CCDC7: variants seen among roughly 807,000 people sequenced by gnomAD.
CCDC7 encodes coiled-coil domain containing 7.
A neutral mutation model predicts 196.9 loss-of-function variants in CCDC7; 183 were observed. That is an observed-to-expected ratio of 0.93 (90% CI 0.82 to 1.05). The LOEUF (loss-of-function observed/expected upper bound fraction) is 1.05, where lower values mean the gene tolerates loss of function less well. Among genes scored for constraint, CCDC7 ranks in the 50% least tolerant of loss-of-function variants. The pLI, the probability that CCDC7 is intolerant of heterozygous loss-of-function variation, is 0.00. For synonymous variants in CCDC7, 525 were observed against 484.6 expected, an observed-to-expected ratio of 1.08 and a Z score of -1.10; for missense variants, 1,540 against 1,482.2, an observed-to-expected ratio of 1.04 and a Z score of -0.64.
chr10:32,571,370 T>C (rs1023305071), intron 15 of CCDC7, among the ~76,000 whole-genome samples: 3 of 152,190 alleles, frequency 2.0e-5, no homozygotes, highest in African/African-American at 7.2e-5. Flanking sequence ...TCAGTATACT[T>C]ATTTTAAAAT....
At chr10:32,512,833 AT>A (rs1484511079) in intron 9 of CCDC7, 2 of 152,284 alleles carry the variant, frequency 1.3e-5, no homozygotes, top group East Asian at 3.9e-4. Context: ...GCCAATAAAC[AT>A]TTTAAGAGAT....
intron 21 of CCDC7, among the ~76,000 whole-genome samples, chr10:32,665,417 T>G (rs1333102631): frequency 6.6e-6 from 1 of 152,082 alleles, no homozygotes; most frequent in East Asian, 1.9e-4. Context: ...TCCCATATTT[T>G]CTTCTAGCAA....
At chr10:32,615,636 CATTG>C (rs1189216925) in intron 18 of CCDC7, among the ~76,000 whole-genome samples, 1 of 151,856 alleles carries the variant, frequency 6.6e-6, no homozygotes, top group Non-Finnish European at 1.5e-5. Flanking sequence ...CTGTTTACTC[CATTG>C]ATTGTTTCCT....
intron 24 of CCDC7, among the ~76,000 whole-genome samples, chr10:32,696,027 T>G (rs1422855829): frequency 6.6e-6 from 1 of 151,534 alleles, no homozygotes; most frequent in Non-Finnish European, 1.5e-5. Flanking sequence ...AGACAGTTGA[T>G]AGTGTTTTTA....
At chr10:32,535,507 G>A (rs560778795) in intron 11 of CCDC7, among the ~76,000 whole-genome samples, 1 of 152,222 alleles carries the variant, frequency 6.6e-6, no homozygotes, top group Admixed American at 6.5e-5. Context: ...CGTGTGTGGG[G>A]TGCTTACAGG....
intron 18 of CCDC7, among the ~76,000 whole-genome samples, chr10:32,625,004 T>C (rs1476189340): frequency 2.1e-5 from 3 of 145,172 alleles, no homozygotes; most frequent in African/African-American, 7.8e-5. Context: ...TTTTTTTTTT[T>C]TTTTTTAGTT....
At chr10:32,558,822 C>T (rs2054810622) in intron 13 of CCDC7, among the ~76,000 whole-genome samples, 2 of 152,214 alleles carry the variant, frequency 1.3e-5, no homozygotes, top group Admixed American at 6.5e-5. Flanking sequence ...GGGCACAGGA[C>T]AGTGGGTGCA....
chr10:32,775,036 C>T (rs949780199), intron 28 of CCDC7, among the ~76,000 whole-genome samples: 2 of 152,162 alleles, frequency 1.3e-5, no homozygotes, highest in African/African-American at 4.8e-5. Context: ...TGTCAGCATT[C>T]CTAACTTCTA....
intron 9 of CCDC7, among the ~76,000 whole-genome samples, chr10:32,500,228 G>A (rs1166834861): frequency 1.3e-5 from 2 of 150,588 alleles, no homozygotes; most frequent in East Asian, 4.0e-4. Context: ...GCCTGGCGGG[G>A]GCTGCCCCCC....
chr10:32,823,333 GGTTTCACTAT>G (rs1198701158), intron 31 of CCDC7, among the ~76,000 whole-genome samples: 1 of 149,738 alleles, frequency 6.7e-6, no homozygotes, highest in East Asian at 1.9e-4. Flanking sequence ...GTAGAGACAA[GGTTTCACTAT>G]GTTGGCCAGG....
chr10:32,589,108 T>C (rs933557057), intron 18 of CCDC7, among the ~76,000 whole-genome samples: 3 of 152,142 alleles, frequency 2.0e-5, no homozygotes, highest in Non-Finnish European at 4.4e-5. Flanking sequence ...ATCTTATTCA[T>C]TCTTTCTGGT....
intron 10 of CCDC7, 144 bp downstream of exon 11, chr10:32,518,119 T>C (rs1034429255): frequency 1.8e-6 from 2 of 1,110,466 alleles, no homozygotes; most frequent in Admixed American, 6.3e-5. Flanking sequence ...ATGTGAACTT[T>C]CTGGAAAGCC....
chr10:32,868,996 C>A (rs1033498919), intron 41 of CCDC7, among the ~76,000 whole-genome samples: 2 of 152,090 alleles, frequency 1.3e-5, no homozygotes, highest in Admixed American at 6.6e-5. Context: ...GGTTCAAAGT[C>A]TTTGCTATTG....
intron 13 of CCDC7, among the ~76,000 whole-genome samples, chr10:32,556,354 G>C (rs1321631390): frequency 6.6e-6 from 1 of 152,132 alleles, no homozygotes; most frequent in Non-Finnish European, 1.5e-5. Context: ...AGTTTGAGTT[G>C]ATGGTTCCAG....
chr10:32,627,331 A>G (rs1271830299), intron 18 of CCDC7, among the ~76,000 whole-genome samples: 3 of 151,916 alleles, frequency 2.0e-5, no homozygotes, highest in Non-Finnish European at 2.9e-5. Context: ...TGGATAGTTC[A>G]TTGTTAATGT....
chr10:32,554,343 G>T (rs368002507), intron 13 of CCDC7, among the ~76,000 whole-genome samples: 60 of 152,140 alleles, frequency 3.9e-4, no homozygotes, highest in African/African-American at 1.4e-3. Context: ...GAGGTTTCTT[G>T]CCCTGTTCAA....
intron 30 of CCDC7, among the ~76,000 whole-genome samples, chr10:32,810,386 A>G (rs1457202524): frequency 6.6e-6 from 1 of 152,140 alleles, no homozygotes; most frequent in Non-Finnish European, 1.5e-5. Context: ...TTCAGATAAA[A>G]CAGACTTTAA....
chr10:32,702,394 A>G lies in CCDC7; in HGVS notation c.2458+7402A>G, dbSNP rs191689443. On this transcript the variant is annotated intron_variant, in intron 24 of 41. Coordinates refer to ENST00000639629, the Ensembl canonical transcript of CCDC7. ...ACTGTGGTCTGAGAGACAGTTTGTT[A>G]TAATTTCTTTGCTTTTACATTTGCT... 2.6e-5 allele frequency among the ~76,000 whole-genome samples: 4 copies of G among 152,264 alleles called. No individual in the cohort carries two copies. The East Asian group carries it at 7.7e-4, about 29-fold the overall frequency.
intron 13 of CCDC7, among the ~76,000 whole-genome samples, chr10:32,559,459 A>G (rs894819552): frequency 1.3e-5 from 2 of 152,090 alleles, no homozygotes; most frequent in Non-Finnish European, 2.9e-5. Flanking sequence ...ACGGCCGGGT[A>G]CTCCTCTGAG....
Sources: gnomAD v4.1 joint callset for allele counts (sites outside exome capture counted in the v4.1 genomes callset) on GRCh38, gnomAD v4.1.1 for gene constraint, MANE v1.5 for transcripts, NCBI Gene and HGNC (gene_info 2026-07-23, HGNC 2026-07-21) for gene names.